The following CFAP54 variants were observed in gnomAD, a reference collection of about 807,000 sequenced individuals.
CFAP54 encodes cilia- and flagella-associated protein 54.
Under a neutral mutation model 370.4 loss-of-function variants are expected in CFAP54, and 290 were observed. That is an observed-to-expected ratio of 0.78 (90% CI 0.71 to 0.86). CFAP54 has a LOEUF of 0.86. CFAP54 is among the 40% of genes least tolerant of loss of function. The pLI, the probability that CFAP54 is intolerant of heterozygous loss-of-function variation, is 0.00. For missense variants in CFAP54, 3,399 were observed against 3,528.7 expected, an observed-to-expected ratio of 0.96 and a Z score of 0.93; for synonymous variants, 1,206 against 1,236.5, an observed-to-expected ratio of 0.98 and a Z score of 0.52.
chr12:96,580,353 G>A (rs1452799863), intron 20 of CFAP54, among the ~76,000 whole-genome samples: 1 of 152,016 alleles, frequency 6.6e-6, no homozygotes, highest in East Asian at 1.9e-4. Flanking sequence ...GTACTTAGCA[G>A]TAGGAACTGT....
chr12:96,817,629 C>CTAA (rs748668804), intron 64 of CFAP54, 146 bp from the exon 65 acceptor site: 101,417 of 317,298 alleles, frequency 0.32, 17,067 homozygotes, highest in South Asian at 0.51. Flanking sequence ...ACCATGTTAG[C>CTAA]CAGGATGGTA....
rs1477262255 is a variant in CFAP54 at position 96,651,699 on chromosome 12, A to G, written c.4984A>G (p.Lys1662Glu). Residue 1662 changes from lysine (K) to glutamate (E), a missense_variant, in exon 36 of 68, where the codon AAA (lysine) becomes GAA (glutamate). Coordinates refer to ENST00000524981, the MANE Select transcript of CFAP54 (RefSeq NM_001306084.2). ...TCTTAAACAGGCAGTGGATCTTGAT[A>G]AAACATTTCCTATTAGCCAAGATGG... Reference protein sequence around the residue: ...ILLKQAVDLDKTFPISQDGFL... With the variant: ...ILLKQAVDLDETFPISQDGFL... 1 of 1,613,832 alleles carries G rather than the reference A, an allele frequency of 6.2e-7. No individual in the cohort carries two copies. The highest frequency in any genetic ancestry group is 8.5e-7 in the Non-Finnish European group (1 of 1,179,824).
chr12:96,862,218 A>C (rs1959896662), intron 67 of CFAP54, among the ~76,000 whole-genome samples: 1 of 152,226 alleles, frequency 6.6e-6, no homozygotes, highest in African/African-American at 2.4e-5. Context: ...ACAAGCCTTT[A>C]GCAAAGCATT....
At chr12:96,766,240 A>G (rs560153171) in intron 60 of CFAP54, among the ~76,000 whole-genome samples, 2 of 152,088 alleles carry the variant, frequency 1.3e-5, no homozygotes, top group South Asian at 4.2e-4. Context: ...TATTTTGCAA[A>G]CTATTTTATA....
chr12:96,846,657 A>G (rs952848764), intron 66 of CFAP54, among the ~76,000 whole-genome samples: 4 of 152,154 alleles, frequency 2.6e-5, no homozygotes, highest in African/African-American at 7.2e-5. Flanking sequence ...GTTCCCTATA[A>G]AGAGCATATG....
intron 64 of CFAP54, among the ~76,000 whole-genome samples, chr12:96,812,969 T>G (rs890125047): frequency 5.3e-5 from 8 of 152,188 alleles, no homozygotes; most frequent in African/African-American, 1.9e-4. Context: ...TTCTTTTCCT[T>G]TCCCTTTCCT....
chr12:96,698,510 A>G (rs180688478), intron 45 of CFAP54, among the ~76,000 whole-genome samples: 4 of 152,298 alleles, frequency 2.6e-5, no homozygotes, highest in Admixed American at 2.6e-4. Context: ...GAATGAGATC[A>G]TGTCCTTTGC....
intron 64 of CFAP54, 64 bp from the exon 65 acceptor site, chr12:96,817,711 C>T (rs764767279): frequency 2.9e-5 from 33 of 1,136,452 alleles, no homozygotes; most frequent in Admixed American, 2.0e-4. Context: ...TGAGCCACCA[C>T]GCCCGGCCAT....
chr12:96,576,898 A>G (rs1955984343), intron 20 of CFAP54, 137 bp downstream of exon 20: 10 of 710,660 alleles, frequency 1.4e-5, no homozygotes, highest in South Asian at 2.2e-5. Flanking sequence ...TAATATTCCA[A>G]TGTCTTATCT....
In CFAP54 at chr12:96,527,291, T is replaced by A; in HGVS notation, c.1204T>A (p.Phe402Ile). The change falls in exon 9 of 68, where the codon TTT (phenylalanine) becomes ATT (isoleucine). Residue 402 changes from phenylalanine (F) to isoleucine (I), a missense_variant. By Grantham distance (21) the Phe-to-Ile change is conservative. This residue lies in a region of CFAP54 where 559 missense variants were observed against 576.7 expected (regional missense o/e 0.97). Transcript: ENST00000524981. ...CACAGAGCGGCTACTGGATGAGATG[T>A]TTGATAGCACTGCATCCCAGTTTCT... ...TVTERLLDEM[F>I]DSTASQFLAV... 1 of 1,534,632 alleles carries A rather than the reference T, an allele frequency of 6.5e-7. No individual in the cohort carries two copies. The highest frequency in any genetic ancestry group is 1.2e-5 in the South Asian group (1 of 83,688).
intron 50 of CFAP54, among the ~76,000 whole-genome samples, chr12:96,729,385 C>T (rs370681045): frequency 6.6e-6 from 1 of 152,232 alleles, no homozygotes; most frequent in Admixed American, 6.5e-5. Context: ...TGGGCAATGG[C>T]GGGCGCCCCT....
chr12:96,796,173 G>C (rs575365889), intron 63 of CFAP54, among the ~76,000 whole-genome samples: 1 of 152,310 alleles, frequency 6.6e-6, no homozygotes, highest in East Asian at 1.9e-4. Context: ...ACTTCCTTCA[G>C]AGGGTCAGTG....
Position 96,517,909 on chromosome 12 carries a change from T to C in CFAP54, c.799-1019T>C, listed in dbSNP as rs1407704802. 2.0e-5 allele frequency among the ~76,000 whole-genome samples: 3 copies of C among 152,328 alleles called. No homozygotes were observed. The East Asian group carries it at 5.8e-4, about 29-fold the overall frequency. On this transcript the variant is annotated intron_variant, in intron 5 of 67. Coordinates refer to ENST00000524981, the MANE Select transcript of CFAP54 (RefSeq NM_001306084.2). ...AGAGGGCAGGCTACATAAATGTTTT[T>C]AGATTTCTGGATGGCTGTAATTTAG...
rs749342238 is a variant in CFAP54, at chr12:96,811,765, G to A, written c.8880G>A (p.Lys2960=). 3 of 1,515,282 alleles carry A rather than the reference G, an allele frequency of 2.0e-6. No individual in the cohort carries two copies. Among genetic ancestry groups the A allele is most frequent in the South Asian group, 1.2e-5 (1 of 80,784 alleles). 93.9% of individuals were successfully genotyped at this position (1,515,282 alleles called of 1,614,324 possible). A position where few individuals can be genotyped will look rare whatever the true frequency, so the allele number is the denominator to read the frequency against. Reference sequence around the variant, plus strand: ...TATTGTTGTATGCATATAATTTGAAGCCTCTGAAGATTTCAGATGTTAGAC... The same window carrying A: ...TATTGTTGTATGCATATAATTTGAAACCTCTGAAGATTTCAGATGTTAGAC... ...MVLLLYAYNL[K]PLKISDVRHS... Residue 2960 remains lysine, a synonymous_variant, in exon 64 of 68, where the codon AAG becomes AAA. Transcript: ENST00000524981.
chr12:96,658,192 A>G lies in CFAP54; in HGVS notation c.5325-19A>G, dbSNP rs376034109. ...TTAACTAATGTTTTCTTTTTAATGTATTCTTTACCCCTGTCTAGTGAGAGG... is the reference window on the plus strand; with the variant it reads ...TTAACTAATGTTTTCTTTTTAATGTGTTCTTTACCCCTGTCTAGTGAGAGG... On this transcript the variant is annotated intron_variant, in intron 37 of 67. Coordinates refer to ENST00000524981, the MANE Select transcript of CFAP54 (RefSeq NM_001306084.2). The G allele has an allele frequency of 1.1e-5, 17 of 1,596,544 alleles. No individual in the cohort carries two copies. The highest frequency in any genetic ancestry group is 1.4e-5 in the Non-Finnish European group (16 of 1,174,880).
chr12:96,499,804 G>A (rs943086780), intron 1 of CFAP54, among the ~76,000 whole-genome samples: 1 of 152,080 alleles, frequency 6.6e-6, no homozygotes, highest in African/African-American at 2.4e-5. Context: ...CAATCAGCCA[G>A]GCATGGTGGT....
In CFAP54 at chr12:96,718,534, A is replaced by C; in HGVS notation, c.6804+12A>C. The C allele has an allele frequency of 6.6e-7, 1 of 1,507,508 alleles. No homozygotes were observed. The highest frequency in any genetic ancestry group is 9.2e-7 in the Non-Finnish European group (1 of 1,089,202). 93.4% of individuals were successfully genotyped at this position (1,507,508 alleles called of 1,614,324 possible). A position where few individuals can be genotyped will look rare whatever the true frequency, so the allele number is the denominator to read the frequency against. The stretch of plus-strand genomic sequence containing the variant: ...TTAGCATGCTAAAGGTAAGTTTGAA[A>C]CTGTTTTCAAACCATTAAGTTAGTT... On this transcript the variant is annotated intron_variant, in intron 49 of 67. Coordinates refer to ENST00000524981, the MANE Select transcript of CFAP54 (RefSeq NM_001306084.2).
chr12:96,491,693 A>G (rs1477136692), intron 1 of CFAP54, among the ~76,000 whole-genome samples: 1 of 152,226 alleles, frequency 6.6e-6, no homozygotes, highest in East Asian at 1.9e-4. Flanking sequence ...AATTCTGCTG[A>G]CTGGCCAAGT....
chr12:96,567,063 C>T (rs527604493), intron 19 of CFAP54, among the ~76,000 whole-genome samples: 92 of 152,170 alleles, frequency 6.0e-4, no homozygotes, highest in Admixed American at 1.4e-3. Context: ...GGAGAAATCA[C>T]GTGAAGTTGA....
Sources: allele counts gnomAD v4.1 joint callset (sites outside exome capture counted in the v4.1 genomes callset), GRCh38; gene constraint gnomAD v4.1.1; regional missense constraint gnomAD v4.1.1; transcripts MANE v1.5; gene names NCBI Gene and HGNC (gene_info 2026-07-23, HGNC 2026-07-21).